Variants in COL9A2 observed in about 807,000 individuals in gnomAD.
COL9A2 encodes the protein collagen alpha-2(IX) chain.
In COL9A2, 66 loss-of-function variants were observed where a neutral mutation model predicts 111.6. The observed-to-expected ratio is 0.59, with a 90% CI of 0.48 to 0.73. The LOEUF is 0.73. Among genes scored for constraint, COL9A2 ranks in the 30% least tolerant of loss-of-function variants. The pLI, the probability that COL9A2 is intolerant of heterozygous loss-of-function variation, is 0.00. For synonymous variants in COL9A2, 353 were observed against 364.1 expected (o/e 0.97, Z 0.35); for missense variants, 881 against 954.1 (o/e 0.92, Z 1.01).
chr1:40,301,838 C>T lies in COL9A2; in HGVS notation c.1844G>A (p.Gly615Glu). 1 of 1,614,144 alleles carries T rather than the reference C, an allele frequency of 6.2e-7. No individual in the cohort carries two copies. The highest frequency in any genetic ancestry group is 8.5e-7 in the Non-Finnish European group (1 of 1,180,012). Reference sequence around the variant, plus strand: ...TGGGATCCCTGGGGGCCCAGGCATCCCGGGGTGCCCCCGTCCCACTTCTCC... The same window carrying T: ...TGGGATCCCTGGGGGCCCAGGCATCTCGGGGTGCCCCCGTCCCACTTCTCC... Reference protein sequence around the residue: ...DPGEVGRGHPGMPGPPGIPGL... With the variant: ...DPGEVGRGHPEMPGPPGIPGL... Residue 615 changes from glycine to glutamate, a missense_variant, in exon 31 of 32, where the codon GGG becomes GAG. Gly to Glu is a moderately conservative substitution (Grantham distance 98). Transcript: ENST00000372748.
rs979908427 is a variant in COL9A2, at chr1:40,311,794, C to A, written c.418-79G>T. ...CCTAGTGCCCTCCTCCAGGTCCTGCCTCTGCCCTCTCCACCCTGTCTTCCC... is the reference window on the plus strand; with the variant it reads ...CCTAGTGCCCTCCTCCAGGTCCTGCATCTGCCCTCTCCACCCTGTCTTCCC... On this transcript the variant is annotated intron_variant, in intron 8 of 31. Transcript: ENST00000372748. This position sits in a 1 kb window ranked among gnomAD's most constrained non-coding sequence, Gnocchi z 5.1. 6.4e-6 allele frequency: 9 copies of A among 1,397,664 alleles called. No individual in the cohort carries two copies. The African/African-American group carries it at 1.3e-4, about 20-fold the overall frequency. The allele number at this position is 1,397,664 out of a possible 1,614,324, so 86.6% of individuals were successfully genotyped here.
In COL9A2 at chr1:40,311,353, C is replaced by T; in HGVS notation, c.520-67G>A. The T allele has an allele frequency of 1.9e-6, 3 of 1,587,266 alleles. No individual in the cohort carries two copies. On this transcript the variant is annotated intron_variant, in intron 10 of 31. Coordinates refer to ENST00000372748, the MANE Select transcript of COL9A2 (RefSeq NM_001852.4). This position sits in a 1 kb window ranked among gnomAD's most constrained non-coding sequence, Gnocchi z 5.1. ...CAGTGCGCCCCCATCTCTCCAAGCCCCGTGCTCTCCTCCGCCTCACCTGGT... is the reference window on the plus strand; with the variant it reads ...CAGTGCGCCCCCATCTCTCCAAGCCTCGTGCTCTCCTCCGCCTCACCTGGT...
chr1:40,315,401 A>T, intron 2 of COL9A2, 189 bp downstream of exon 2: 1 of 1,403,538 alleles, frequency 7.1e-7, no homozygotes, highest in East Asian at 2.7e-5. Flanking sequence ...CGGGCTCCGC[A>T]TGTCAGGGCT....
At position 40,310,512 on chromosome 1, in the gene COL9A2, C is replaced by T. The variant is rs914843510; in HGVS notation, c.685-195G>A. ...TCAAAGGGACAGTGGCAGACCTGGACCTCAGCCTGGGCTTCTTGCTGACAG... is the reference window on the plus strand; with the variant it reads ...TCAAAGGGACAGTGGCAGACCTGGATCTCAGCCTGGGCTTCTTGCTGACAG... On this transcript the variant is annotated intron_variant, in intron 13 of 31. Coordinates refer to ENST00000372748, the MANE Select transcript of COL9A2 (RefSeq NM_001852.4). This position sits in a 1 kb window ranked among gnomAD's most constrained non-coding sequence, Gnocchi z 4.9. Among the ~76,000 whole-genome samples the T allele has an allele frequency of 6.6e-6, 1 of 152,204 alleles. No individual in the cohort carries two copies. Among genetic ancestry groups the T allele is most frequent in the Non-Finnish European group, 1.5e-5 (1 of 68,036 alleles).
Position 40,301,727 on chromosome 1 carries a change from C to T in COL9A2, c.1870+85G>A, listed in dbSNP as rs544478587. The T allele has an allele frequency of 2.7e-5, 36 of 1,318,428 alleles. No homozygotes were observed. The East Asian group carries it at 7.1e-4, about 26-fold the overall frequency. The allele number at this position is 1,318,428 out of a possible 1,614,324, so 81.7% of individuals were successfully genotyped here. Reference sequence around the variant, plus strand: ...GGACTGAGCTGGCTGAGCGTGAGGCCGCCATGGAGGAGACCGCAGTGTCCA... The same window carrying T: ...GGACTGAGCTGGCTGAGCGTGAGGCTGCCATGGAGGAGACCGCAGTGTCCA... On this transcript the variant is annotated intron_variant, in intron 31 of 31. Coordinates refer to ENST00000372748, the MANE Select transcript of COL9A2 (RefSeq NM_001852.4).
At position 40,307,359 on chromosome 1, in the gene COL9A2, T is replaced by C. The variant is rs991903107; in HGVS notation, c.1008+87A>G. 24 of 1,319,546 alleles carry C rather than the reference T, an allele frequency of 1.8e-5. No homozygotes were observed. The highest frequency in any genetic ancestry group is 2.4e-5 in the Non-Finnish European group (22 of 930,932). 81.7% of individuals were successfully genotyped at this position (1,319,546 alleles called of 1,614,324 possible). On this transcript the variant is annotated intron_variant, in intron 19 of 31. Transcript: ENST00000372748. The surrounding 1 kb of genome is among the most constrained non-coding windows in gnomAD (Gnocchi z 4.8). ...TTGGTAACAAGGCAAGAGGTGGTGA[T>C]TGAGCAAGAGCCCCGGGTGTGTGTG...
Position 40,302,900 on chromosome 1 carries a change from T to G in COL9A2, c.1604-91A>C. The G allele has an allele frequency of 3.0e-6, 4 of 1,331,174 alleles. No individual in the cohort carries two copies. The highest frequency in any genetic ancestry group is 1.3e-5 in the South Asian group (1 of 79,312). 82.5% of individuals were successfully genotyped at this position (1,331,174 alleles called of 1,614,324 possible). A position where few individuals can be genotyped will look rare whatever the true frequency, so the allele number is the denominator to read the frequency against. ...GGAGGCAGAGCATTCCGATGGGCCC[T>G]GGCCCCTAGGTTTGCAGACAGAAAA... is the stretch of plus-strand genomic sequence containing the variant. On this transcript the variant is annotated intron_variant, in intron 29 of 31. Transcript: ENST00000372748. This position sits in a 1 kb window ranked among gnomAD's most constrained non-coding sequence, Gnocchi z 4.5.
At position 40,311,266 on chromosome 1, in the gene COL9A2, G is replaced by C; in HGVS notation, c.540C>G (p.Pro180=). The C allele has an allele frequency of 6.2e-7, 1 of 1,614,070 alleles. No homozygotes were observed. The highest frequency in any genetic ancestry group is 1.6e-4 in the Middle Eastern group (1 of 6,062). The change falls in exon 11 of 32, where the codon CCC becomes CCG. Residue 180 remains proline, a synonymous_variant. Transcript: ENST00000372748. The surrounding 1 kb of genome is among the most constrained non-coding windows in gnomAD (Gnocchi z 5.1). ...GCAGCCCTGGGGGACCTTTCATTCC[G>C]GGTGGACAGTTGGTTGGACACTGGA... ...ADFLCPTNCP[P]GMKGPPGLQG...
rs771786269 is a variant in COL9A2 at position 40,307,420 on chromosome 1, C to T, written c.1008+26G>A. On this transcript the variant is annotated intron_variant, in intron 19 of 31. Coordinates refer to ENST00000372748, the MANE Select transcript of COL9A2 (RefSeq NM_001852.4). This position sits in a 1 kb window ranked among gnomAD's most constrained non-coding sequence, Gnocchi z 4.8. The stretch of plus-strand genomic sequence containing the variant: ...TCATCAGCCACTAGCCCCTGGCCAG[C>T]CCCTGTGGCTCCACCTGACACTTAC... 55 of 1,611,938 alleles carry T rather than the reference C, an allele frequency of 3.4e-5. No homozygotes were observed. Among genetic ancestry groups the T allele is most frequent in the Non-Finnish European group, 4.6e-5 (54 of 1,178,784 alleles).
At chr1:40,313,861 A>G (rs1383091926) in intron 4 of COL9A2, among the ~76,000 whole-genome samples, 1 of 152,130 alleles carries the variant, frequency 6.6e-6, no homozygotes, top group Non-Finnish European at 1.5e-5. Context: ...AGCGGAGGAA[A>G]GGACAGGGCA....
At chr1:40,301,654 C>T (rs1279801796) in intron 31 of COL9A2, among the ~76,000 whole-genome samples, 158 bp downstream of exon 31, 1 of 152,200 alleles carries the variant, frequency 6.6e-6, no homozygotes, top group Non-Finnish European at 1.5e-5. Flanking sequence ...GCTGGAACCA[C>T]CCAGAGACTC....
At position 40,311,547 on chromosome 1, in the gene COL9A2, C is replaced by A. The variant is rs1444032636; in HGVS notation, c.472G>T (p.Gly158Cys). 6.2e-7 allele frequency: 1 copy of A among 1,613,888 alleles called. No homozygotes were observed. The highest frequency in any genetic ancestry group is 8.5e-7 in the Non-Finnish European group (1 of 1,179,986). Residue 158 changes from glycine to cysteine, a missense_variant and splice_region_variant, in exon 10 of 32, where the codon GGT becomes TGT. By Grantham distance (159) the Gly-to-Cys change is radical. Coordinates refer to ENST00000372748, the MANE Select transcript of COL9A2 (RefSeq NM_001852.4). This position sits in a 1 kb window ranked among gnomAD's most constrained non-coding sequence, Gnocchi z 5.1. ...AGACCCTGGATGGTTCCCGGGCGAC[C>A]CTGAGAGGAGACATGAAGATGGAGC... ...SGPPGPPGKP[G>C]RPGTIQGLEG...
At position 40,314,182 on chromosome 1, in the gene COL9A2, C is replaced by T. The variant is rs769535993; in HGVS notation, c.249+23G>A. 7 of 1,613,970 alleles carry T rather than the reference C, an allele frequency of 4.3e-6. No homozygotes were observed. Among genetic ancestry groups the T allele is most frequent in the Non-Finnish European group, 5.9e-6 (7 of 1,179,892 alleles). ...TCAATTGGCAGAGCCCTACCCTGCC[C>T]CACCCGACACTCAGCTACTCACATC... On this transcript the variant is annotated intron_variant, in intron 4 of 31. Transcript: ENST00000372748. This position sits in a 1 kb window ranked among gnomAD's most constrained non-coding sequence, Gnocchi z 4.1.
intron 16 of COL9A2, among the ~76,000 whole-genome samples, chr1:40,309,279 T>C (rs72944926): frequency 0.079 from 11,947 of 152,080 alleles, 810 homozygotes; most frequent in African/African-American, 0.18. Flanking sequence ...TGATCTCTGC[T>C]GTCTAATAGA....
At chr1:40,315,828 T>G in intron 1 of COL9A2, 164 bp from the exon 2 acceptor site, 1 of 551,500 alleles carries the variant, frequency 1.8e-6, no homozygotes, top group Non-Finnish European at 3.3e-6. Flanking sequence ...TGCCATTACA[T>G]GCATTCATTA....
chr1:40,313,912 G>T (rs992741513), intron 4 of COL9A2, among the ~76,000 whole-genome samples: 4 of 152,108 alleles, frequency 2.6e-5, no homozygotes, highest in African/African-American at 9.7e-5. Flanking sequence ...CCTGATCCTT[G>T]GAGGCCAGAA....
At position 40,312,091 on chromosome 1, in the gene COL9A2, G is replaced by A. The variant is rs2124092932; in HGVS notation, c.385C>T (p.Leu129Phe). ...GPPGPPGPVG[L>F]PGEIGIRGPK... The stretch of plus-strand genomic sequence containing the variant: ...CCTCGGATTCCAATCTCACCAGGGA[G>A]GCCAACAGGTCCAGGAGGCCCCTGG... The change falls in exon 8 of 32, where the codon CTC becomes TTC. Residue 129 changes from leucine to phenylalanine, a missense_variant. Physicochemically the swap from Leu to Phe is conservative, Grantham distance 22. Coordinates refer to ENST00000372748, the MANE Select transcript of COL9A2 (RefSeq NM_001852.4). The surrounding 1 kb of genome is among the most constrained non-coding windows in gnomAD (Gnocchi z 6.0). The A allele has an allele frequency of 6.2e-7, 1 of 1,602,616 alleles. No individual in the cohort carries two copies. Among genetic ancestry groups the A allele is most frequent in the Non-Finnish European group, 8.5e-7 (1 of 1,176,218 alleles).
chr1:40,308,243 G>A lies in COL9A2; in HGVS notation c.849C>T (p.Gly283=). 3 of 1,613,936 alleles carry A rather than the reference G, an allele frequency of 1.9e-6. No homozygotes were observed. Among genetic ancestry groups the A allele is most frequent in the Admixed American group, 3.3e-5 (2 of 60,012 alleles). Residue 283 remains glycine, a splice_region_variant and synonymous_variant, in exon 17 of 32, where the codon GGC becomes GGT. Transcript: ENST00000372748. ...PGRAGEKGDE[G]SPGIRGPQGI... is the part of the protein sequence containing the mutation. ...CCTGGGGTCCACGAATACCTGGGCT[G>A]CCCTGCAAAGCGGAGAGAGATCAGG...
intron 16 of COL9A2, among the ~76,000 whole-genome samples, chr1:40,309,426 T>C (rs1557799779): frequency 6.8e-6 from 1 of 146,964 alleles, no homozygotes; most frequent in Non-Finnish European, 1.5e-5. Flanking sequence ...AACAGGTCTA[T>C]TAATTGGGAA....
Sources: allele counts gnomAD v4.1 joint callset (sites outside exome capture counted in the v4.1 genomes callset), GRCh38; gene constraint gnomAD v4.1.1; non-coding constraint Gnocchi (gnomAD v3.1); transcripts MANE v1.5; gene names NCBI Gene and HGNC (gene_info 2026-07-23, HGNC 2026-07-21).